Variants in KMT2C observed in about 807,000 individuals in gnomAD.
The protein encoded by KMT2C is lysine methyltransferase 2C, also known as histone-lysine N-methyltransferase 2C.
In KMT2C, 88 loss-of-function variants were observed where a neutral mutation model predicts 507.9. The ratio of observed to expected loss-of-function variants is 0.17; its 90% confidence interval spans 0.15 to 0.21. The LOEUF (loss-of-function observed/expected upper bound fraction) is 0.21, where lower values mean the gene tolerates loss of function less well. Ranked by LOEUF, KMT2C falls within the 10% of genes least tolerant of loss-of-function variation. The pLI is 1.00. For missense variants in KMT2C, 4,954 were observed against 5,957.8 expected, an observed-to-expected ratio of 0.83 and a Z score of 5.55; for synonymous variants, 2,049 against 2,080.8, an observed-to-expected ratio of 0.98 and a Z score of 0.42.
At chr7:152,235,349 T>C (rs1452393163) in intron 16 of KMT2C, among the ~76,000 whole-genome samples, 57 of 152,232 alleles carry the variant, frequency 3.7e-4, no homozygotes, top group Admixed American at 3.3e-4. Context: ...CCTGGTTTAG[T>C]AGTAAACTTG....
At position 152,148,960 on chromosome 7, in the gene KMT2C, C is replaced by G; in HGVS notation, c.12967G>C (p.Asp4323His). Residue 4323 changes from aspartate (D) to histidine (H), a missense_variant, in exon 52 of 59, where the codon GAT becomes CAT. Coordinates refer to ENST00000262189, the MANE Select transcript of KMT2C (RefSeq NM_170606.3). This position sits in a 1 kb window ranked among gnomAD's most constrained non-coding sequence, Gnocchi z 7.1. ...FEAAQVEAKP[D>H]ELKVTVKLKP... is the part of the protein sequence containing the mutation. ...AGCTTGACTGTCACCTTCAGCTCAT[C>G]TGGCTTGGCCTCGACTTGGGCTGCT... 1 of 1,602,078 alleles carries G rather than the reference C, an allele frequency of 6.2e-7. No individual in the cohort carries two copies.
intron 1 of KMT2C, among the ~76,000 whole-genome samples, chr7:152,407,596 C>A (rs77868295): frequency 0.01 from 1,448 of 141,490 alleles, no homozygotes; most frequent in African/African-American, 0.024. Flanking sequence ...CACTTGAACC[C>A]GAGGGGCGAA....
chr7:152,432,920 G>A (rs774751354), intron 1 of KMT2C, among the ~76,000 whole-genome samples: 1 of 151,948 alleles, frequency 6.6e-6, no homozygotes, highest in African/African-American at 2.4e-5. Flanking sequence ...GCTGAGGAGA[G>A]TGGATTACCT....
chr7:152,329,121 G>A (rs2096856989), intron 3 of KMT2C, among the ~76,000 whole-genome samples: 1 of 152,110 alleles, frequency 6.6e-6, no homozygotes, highest in Non-Finnish European at 1.5e-5. Context: ...CTTTCCCAGG[G>A]AGTGAACAGA....
chr7:152,266,676 T>C (rs1256839756), intron 7 of KMT2C, among the ~76,000 whole-genome samples: 1 of 152,422 alleles, frequency 6.6e-6, no homozygotes, highest in Admixed American at 6.5e-5. Flanking sequence ...TCTGCAAACT[T>C]TTCCTGAAAA....
intron 13 of KMT2C, among the ~76,000 whole-genome samples, 192 bp downstream of exon 13, chr7:152,249,673 CAAAAAAAAAAA>C (rs1183345172): frequency 2.0e-4 from 7 of 34,496 alleles, no homozygotes; most frequent in South Asian, 4.0e-3. Context: ...CTCCCCCCTC[CAAAAAAAAAAA>C]AAAAAAAAAA....
At chr7:152,422,525 T>C (rs1358447614) in intron 1 of KMT2C, among the ~76,000 whole-genome samples, 1 of 152,028 alleles carries the variant, frequency 6.6e-6, no homozygotes, top group Non-Finnish European at 1.5e-5. Context: ...TCACTACCAA[T>C]CAACCGGGCC....
rs568430869 is a variant in KMT2C at position 152,272,557 on chromosome 7, G to GT, written c.1012+1147dup. Among the ~76,000 whole-genome samples, 120 of 152,196 alleles carry GT rather than the reference G, an allele frequency of 7.9e-4. 1 individual carries two copies. Among genetic ancestry groups the GT allele is most frequent in the Admixed American group, 4.6e-4 (7 of 15,278 alleles). On this transcript the variant is annotated intron_variant, in intron 7 of 58. Coordinates refer to ENST00000262189, the MANE Select transcript of KMT2C (RefSeq NM_170606.3). ...GTAACTCAGTACATAAATAGTAGCC[G>GT]TAACAGTTGCAGTGCATGAAGTTCT...
intron 23 of KMT2C, among the ~76,000 whole-genome samples, chr7:152,219,428 C>A (rs2094695050): frequency 6.6e-6 from 1 of 151,980 alleles, no homozygotes; most frequent in Non-Finnish European, 1.5e-5. Context: ...CAACATCTGA[C>A]ATACAGTAGA....
rs74812754 is a variant in KMT2C, at chr7:152,315,162, G to C, written c.566C>G (p.Pro189Arg). ...GTYEKMQNSA[P>R]RKQRGQRKER... ...CTTTCTCTGTCCTCTTTGTTTTCGT[G>C]GTGCTGAGTTTTGCATTTTCTCATA... Residue 189 changes from proline to arginine, a missense_variant, in exon 4 of 59, where the codon CCA becomes CGA. Around this residue, in one of 29 missense-constraint regions of KMT2C, gnomAD observed 233 missense variants for 263.6 expected, o/e 0.88. Coordinates refer to ENST00000262189, the MANE Select transcript of KMT2C (RefSeq NM_170606.3). 6.2e-7 allele frequency: 1 copy of C among 1,613,944 alleles called. No homozygotes were observed. Among genetic ancestry groups the C allele is most frequent in the Non-Finnish European group, 8.5e-7 (1 of 1,179,922 alleles).
intron 1 of KMT2C, among the ~76,000 whole-genome samples, chr7:152,363,701 G>T (rs2097214446): frequency 2.0e-5 from 3 of 152,118 alleles, no homozygotes; most frequent in African/African-American, 7.2e-5. Flanking sequence ...ATAGGTTCAG[G>T]TGGCTCAAGA....
chr7:152,207,140 C>T (rs1370734896), intron 24 of KMT2C, among the ~76,000 whole-genome samples, 160 bp downstream of exon 24: 9 of 152,014 alleles, frequency 5.9e-5, no homozygotes, highest in Non-Finnish European at 1.2e-4. Context: ...GCTAAAAAGT[C>T]GTATTCAAAT....
chr7:152,256,046 G>GT (rs1306446203), intron 9 of KMT2C, among the ~76,000 whole-genome samples: 1 of 152,018 alleles, frequency 6.6e-6, no homozygotes, highest in African/African-American at 2.4e-5. Context: ...GCGCATGCCT[G>GT]TAATCCCAGC....
chr7:152,381,176 C>T (rs550667215), intron 1 of KMT2C, among the ~76,000 whole-genome samples: 190 of 152,258 alleles, frequency 1.2e-3, no homozygotes, highest in Non-Finnish European at 1.8e-3. Flanking sequence ...ATTTATTCAA[C>T]AAATATTTGA....
At chr7:152,332,686 T>C (rs1035943352) in intron 2 of KMT2C, among the ~76,000 whole-genome samples, 17 of 152,124 alleles carry the variant, frequency 1.1e-4, no homozygotes, top group African/African-American at 4.1e-4. Flanking sequence ...CTGTCTCTAC[T>C]AAAAATATAA....
At chr7:152,429,429 T>C (rs747520348) in intron 1 of KMT2C, among the ~76,000 whole-genome samples, 5 of 152,200 alleles carry the variant, frequency 3.3e-5, no homozygotes, top group African/African-American at 7.2e-5. Flanking sequence ...GCTGTGTCAT[T>C]TGTTTCTCTC....
At chr7:152,357,399 C>T (rs2097161138) in intron 2 of KMT2C, among the ~76,000 whole-genome samples, 1 of 152,062 alleles carries the variant, frequency 6.6e-6, no homozygotes, top group African/African-American at 2.4e-5. Flanking sequence ...TGGCGGGCGC[C>T]TGTAGTCTCA....
At chr7:152,397,916 C>G (rs539256842) in intron 1 of KMT2C, among the ~76,000 whole-genome samples, 1 of 152,122 alleles carries the variant, frequency 6.6e-6, no homozygotes, top group African/African-American at 2.4e-5. Context: ...AATTACCCAG[C>G]CTTGGGTATG....
intron 26 of KMT2C, among the ~76,000 whole-genome samples, chr7:152,202,121 C>A (rs1385435784): frequency 6.6e-6 from 1 of 152,082 alleles, no homozygotes; most frequent in Non-Finnish European, 1.5e-5. Flanking sequence ...TCTGTGTAAG[C>A]CATAGTTTCT....
Sources: gnomAD v4.1 joint callset for allele counts (sites outside exome capture counted in the v4.1 genomes callset) on GRCh38, gnomAD v4.1.1 for gene constraint, gnomAD v4.1.1 regional missense constraint, Gnocchi (gnomAD v3.1) non-coding constraint, MANE v1.5 for transcripts, NCBI Gene and HGNC (gene_info 2026-07-23, HGNC 2026-07-21) for gene names.